The following ABCB7 variants were observed in gnomAD, a reference collection of about 807,000 sequenced individuals.
The protein encoded by ABCB7 is ATP binding cassette subfamily B member 7, also known as iron-sulfur clusters transporter ABCB7, mitochondrial.
In ABCB7, 7 loss-of-function variants were observed where a neutral mutation model predicts 54.4. That is an observed-to-expected ratio of 0.13 (90% CI 0.07 to 0.24). The LOEUF (loss-of-function observed/expected upper bound fraction) is 0.24. Among genes scored for constraint, ABCB7 ranks in the 10% least tolerant of loss-of-function variants. The probability of loss-of-function intolerance (pLI) is 1.00; values close to 1 mark genes in which losing one functional copy is unlikely to be tolerated. For synonymous variants in ABCB7, 218 were observed against 207.1 expected (o/e 1.05, Z -0.45); for missense variants, 356 against 570.4 (o/e 0.62, Z 3.83).
At chrX:75,135,360 A>T (rs181017007) in intron 1 of ABCB7, among the ~76,000 whole-genome samples, 2 of 111,369 alleles carry the variant, frequency 1.8e-5, no homozygotes, top group East Asian at 5.7e-4. Context: ...AAAGCCCTGG[A>T]ACAGACAGAT....
intron 1 of ABCB7, among the ~76,000 whole-genome samples, chrX:75,115,510 A>C (rs1234877963): frequency 2.1e-5 from 2 of 97,236 alleles, no homozygotes; most frequent in Non-Finnish European, 4.0e-5. Context: ...TGCTCTTTTC[A>C]AATACTCCTC....
At chrX:75,098,177 C>T (rs1221628170) in intron 4 of ABCB7, among the ~76,000 whole-genome samples, 9 of 109,826 alleles carry the variant, frequency 8.2e-5, no homozygotes, top group African/African-American at 3.0e-4. Context: ...GGCATGGTGG[C>T]GCACGCCTAT....
chrX:75,143,916 G>A (rs1257410888), intron 1 of ABCB7, among the ~76,000 whole-genome samples: 1 of 111,235 alleles, frequency 9.0e-6, no homozygotes, highest in Non-Finnish European at 1.9e-5. Context: ...AACCATATCA[G>A]ATGGGTAAGA....
intron 1 of ABCB7, among the ~76,000 whole-genome samples, chrX:75,148,392 C>T (rs775833601): frequency 4.6e-5 from 5 of 108,865 alleles, no homozygotes; most frequent in Admixed American, 3.9e-4. Flanking sequence ...CCCCAACCCC[C>T]GAGGTAACCA....
chrX:75,129,957 C>A (rs1286085030), intron 1 of ABCB7, among the ~76,000 whole-genome samples: 1 of 110,962 alleles, frequency 9.0e-6, no homozygotes, highest in African/African-American at 3.3e-5. Context: ...GTAGCTAATA[C>A]TATTATTATT....
Position 75,053,146 on chromosome X carries a change from T to C in ABCB7, c.*224A>G. ...TCAAACAGGTAGCAAAAAGTATGCA[T>C]TGAGCACAACCAGGACAGTGACAAG... On this transcript the variant is annotated 3_prime_UTR_variant, in exon 16 of 16. Coordinates refer to ENST00000373394, the MANE Select transcript of ABCB7 (RefSeq NM_001271696.3). 7 of 468,261 alleles carry C rather than the reference T, an allele frequency of 1.5e-5. No homozygotes were observed. Among genetic ancestry groups the C allele is most frequent in the South Asian group, 1.0e-4 (3 of 28,576 alleles). 38.6% of individuals were successfully genotyped at this position (468,261 alleles called of 1,213,427 possible).
At chrX:75,096,784 CTT>C (rs78958010) in intron 4 of ABCB7, among the ~76,000 whole-genome samples, 2 of 103,206 alleles carry the variant, frequency 1.9e-5, no homozygotes, top group African/African-American at 3.5e-5. Context: ...TGGAATCCTA[CTT>C]TTTTTTTTTT....
intron 1 of ABCB7, among the ~76,000 whole-genome samples, chrX:75,116,927 C>T (rs1049519002): frequency 6.3e-5 from 7 of 110,686 alleles, no homozygotes; most frequent in Non-Finnish European, 1.1e-4. Context: ...CCCACCAGCA[C>T]CATGACAGTT....
At chrX:75,078,144 C>G (rs779855409) in intron 4 of ABCB7, among the ~76,000 whole-genome samples, 7 of 109,909 alleles carry the variant, frequency 6.4e-5, no homozygotes, top group Non-Finnish European at 1.3e-4. Flanking sequence ...AAACTCCTGA[C>G]CTTGTGATCC....
intron 1 of ABCB7, among the ~76,000 whole-genome samples, chrX:75,133,471 C>T (rs1438699797): frequency 2.7e-5 from 3 of 111,419 alleles, no homozygotes; most frequent in Non-Finnish European, 5.7e-5. Flanking sequence ...GGAAATTCTG[C>T]GAGAATTCCT....
At position 75,156,106 on chromosome X, in the gene ABCB7, T is replaced by G. The variant is rs770283282; in HGVS notation, c.167A>C (p.Gln56Pro). The change falls in exon 1 of 16, where the codon CAG (glutamine) becomes CCG (proline). Residue 56 changes from glutamine (Q) to proline (P), a missense_variant and splice_region_variant. Coordinates refer to ENST00000373394, the MANE Select transcript of ABCB7 (RefSeq NM_001271696.3). The part of the protein sequence containing the change: ...LGALGTARAY[Q>P]IPESLKSITW... ...TCTTCCATGTCAGTGGCATCTCACC[T>G]GGTAGGCTCGAGCGGTTCCCAAGGC... The G allele has an allele frequency of 3.8e-5, 46 of 1,208,407 alleles. No individual in the cohort carries two copies. The highest frequency in any genetic ancestry group is 5.1e-5 in the Non-Finnish European group (46 of 894,586).
At chrX:75,135,020 C>G (rs1401352744) in intron 1 of ABCB7, among the ~76,000 whole-genome samples, 1 of 109,998 alleles carries the variant, frequency 9.1e-6, no homozygotes, top group Non-Finnish European at 1.9e-5. Context: ...TACCAAAGAT[C>G]AACAAAAACA....
At chrX:75,101,082 A>AT (rs1446150777) in intron 3 of ABCB7, among the ~76,000 whole-genome samples, 4 of 13,821 alleles carry the variant, frequency 2.9e-4, no homozygotes, top group African/African-American at 3.1e-4. Context: ...AGGAGTTTAC[A>AT]CCAAAGTGTC....
chrX:75,097,095 A>G (rs774338673), intron 4 of ABCB7, among the ~76,000 whole-genome samples: 21 of 111,519 alleles, frequency 1.9e-4, no homozygotes, highest in Non-Finnish European at 3.8e-4. Context: ...ATCTATTCAA[A>G]ATACAGGTTC....
intron 1 of ABCB7, among the ~76,000 whole-genome samples, chrX:75,122,602 T>C (rs2081889406): frequency 8.9e-6 from 1 of 112,306 alleles, no homozygotes; most frequent in Non-Finnish European, 1.9e-5. Context: ...TCTACACTTT[T>C]CCAAAATGGT....
In ABCB7 at chrX:75,086,731, G is replaced by A. The variant is rs370949418; in HGVS notation, c.454-10077C>T. On this transcript the variant is annotated intron_variant, in intron 4 of 15. Coordinates refer to ENST00000373394, the MANE Select transcript of ABCB7 (RefSeq NM_001271696.3). ...CAAAGATAAAAGAAAACCAGACAAG[G>A]TAAGGTAGGAGATTGGCATGAATTA... Among the ~76,000 whole-genome samples, 39 of 111,950 alleles carry A rather than the reference G, an allele frequency of 3.5e-4. 1 individual carries two copies. The South Asian group carries it at 0.015, about 42-fold the overall frequency.
At chrX:75,106,512 G>T (rs2081703457) in intron 3 of ABCB7, among the ~76,000 whole-genome samples, 1 of 111,876 alleles carries the variant, frequency 8.9e-6, no homozygotes, top group African/African-American at 3.2e-5. Flanking sequence ...TGGTGAGGAG[G>T]TAGAGAAAAG....
intron 4 of ABCB7, among the ~76,000 whole-genome samples, chrX:75,096,335 A>G (rs5981766): frequency 0.028 from 3,181 of 111,935 alleles, 117 homozygotes; most frequent in African/African-American, 0.099. Context: ...TTTCCCAAGA[A>G]TGGGTGAGAT....
At chrX:75,144,161 C>T (rs1305128772) in intron 1 of ABCB7, among the ~76,000 whole-genome samples, 1 of 111,308 alleles carries the variant, frequency 9.0e-6, no homozygotes, top group Non-Finnish European at 1.9e-5. Context: ...CAATCCTTGC[C>T]TATTTCTAAT....
Sources: gnomAD v4.1 joint callset for allele counts (sites outside exome capture counted in the v4.1 genomes callset) on GRCh38, gnomAD v4.1.1 for gene constraint, MANE v1.5 for transcripts, NCBI Gene and HGNC (gene_info 2026-07-23, HGNC 2026-07-21) for gene names.